Variants in CDK6 observed in about 807,000 individuals in gnomAD.
CDK6 encodes cyclin dependent kinase 6, also known as cyclin-dependent kinase 6.
A neutral mutation model predicts 37.1 loss-of-function variants in CDK6; 6 were observed. That is an observed-to-expected ratio of 0.16 (90% CI 0.09 to 0.32). CDK6 has a LOEUF of 0.32. CDK6 is among the 10% of genes least tolerant of loss of function. CDK6 has a pLI of 1.00. For missense variants in CDK6, 224 were observed against 418.9 expected, an observed-to-expected ratio of 0.53 and a Z score of 4.06; for synonymous variants, 160 against 161.3, an observed-to-expected ratio of 0.99 and a Z score of 0.06.
intron 4 of CDK6, among the ~76,000 whole-genome samples, chr7:92,697,913 C>A (rs1220438524): frequency 6.6e-6 from 1 of 152,200 alleles, no homozygotes; most frequent in Non-Finnish European, 1.5e-5. Context: ...TATGCTATCA[C>A]AAATTTTCAT....
intron 4 of CDK6, among the ~76,000 whole-genome samples, chr7:92,675,666 T>C (rs1310473560): frequency 6.6e-6 from 1 of 152,202 alleles, no homozygotes; most frequent in African/African-American, 2.4e-5. Context: ...AACAGAAGAA[T>C]AATCAGTTTC....
rs1795631441 is a variant in CDK6 at position 92,614,592 on chromosome 7, T to C, written c.*548A>G. On this transcript the variant is annotated 3_prime_UTR_variant, in exon 8 of 8. Coordinates refer to ENST00000424848, the MANE Select transcript of CDK6 (RefSeq NM_001145306.2). ...GACTATTTTGGTGAATCACCTTCAG[T>C]GAACAAATGCCTGTTATTTACTGAC... The C allele has an allele frequency of 4.3e-6, 1 of 233,886 alleles. No individual in the cohort carries two copies. Among genetic ancestry groups the C allele is most frequent in the Non-Finnish European group, 8.5e-6 (1 of 118,216 alleles). 14.5% of individuals were successfully genotyped at this position (233,886 alleles called of 1,614,324 possible). A position where few individuals can be genotyped will look rare whatever the true frequency, so the allele number is the denominator to read the frequency against.
Position 92,712,513 on chromosome 7 carries a change from T to C in CDK6, c.537+13113A>G, listed in dbSNP as rs951176260. Among the ~76,000 whole-genome samples, 7 of 152,232 alleles carry C rather than the reference T, an allele frequency of 4.6e-5. No individual in the cohort carries two copies. The East Asian group carries it at 9.7e-4, about 21-fold the overall frequency. ...ATGATAAGCTGATGGAAAATACAAA[T>C]TGTACTGTGCATATAGTAGCAGCAA... is the stretch of plus-strand genomic sequence containing the variant. On this transcript the variant is annotated intron_variant, in intron 4 of 7. Transcript: ENST00000424848.
At chr7:92,616,902 A>T (rs1795694257) in intron 7 of CDK6, among the ~76,000 whole-genome samples, 1 of 151,980 alleles carries the variant, frequency 6.6e-6, no homozygotes. Flanking sequence ...AAATATGGTT[A>T]AAAAAAAGGT....
chr7:92,814,728 A>G (rs1371606280), intron 2 of CDK6, among the ~76,000 whole-genome samples: 2 of 152,198 alleles, frequency 1.3e-5, no homozygotes, highest in Non-Finnish European at 2.9e-5. Flanking sequence ...CACAAAAAGG[A>G]GAGAATTTAG....
At chr7:92,633,954 A>G (rs989565001) in intron 5 of CDK6, among the ~76,000 whole-genome samples, 4 of 151,972 alleles carry the variant, frequency 2.6e-5, no homozygotes, top group African/African-American at 9.7e-5. Context: ...AGGATATTAC[A>G]CCTTTGTCAT....
chr7:92,678,592 C>T (rs1797261134), intron 4 of CDK6, among the ~76,000 whole-genome samples: 1 of 152,200 alleles, frequency 6.6e-6, no homozygotes, highest in Non-Finnish European at 1.5e-5. Context: ...GAGTAAACCG[C>T]TCTCACTTGA....
At chr7:92,705,973 C>T (rs1446094370) in intron 4 of CDK6, among the ~76,000 whole-genome samples, 2 of 152,200 alleles carry the variant, frequency 1.3e-5, no homozygotes, top group Admixed American at 1.3e-4. Flanking sequence ...AAGGGCTGGG[C>T]TGAAAGCCTC....
intron 2 of CDK6, among the ~76,000 whole-genome samples, chr7:92,813,875 A>T (rs778805964): frequency 3.9e-5 from 6 of 152,174 alleles, no homozygotes; most frequent in Non-Finnish European, 7.4e-5. Context: ...ACTGGCTGAG[A>T]CTTCATAGGA....
intron 2 of CDK6, among the ~76,000 whole-genome samples, chr7:92,821,795 G>A (rs1038800439): frequency 6.6e-6 from 1 of 151,796 alleles, no homozygotes; most frequent in Non-Finnish European, 1.5e-5. Flanking sequence ...CCCATTACGT[G>A]ATCACAATCA....
At chr7:92,657,073 A>G (rs1439519445) in intron 5 of CDK6, among the ~76,000 whole-genome samples, 1 of 152,084 alleles carries the variant, frequency 6.6e-6, no homozygotes, top group Non-Finnish European at 1.5e-5. Flanking sequence ...TGTCACATAA[A>G]ACATATTAAA....
chr7:92,632,512 T>G (rs1489546308), intron 5 of CDK6, among the ~76,000 whole-genome samples: 1 of 152,208 alleles, frequency 6.6e-6, no homozygotes, highest in Non-Finnish European at 1.5e-5. Context: ...GGCCCTTGAA[T>G]GTCAGTGATG....
At chr7:92,712,007 T>G (rs1397756647) in intron 4 of CDK6, among the ~76,000 whole-genome samples, 1 of 151,696 alleles carries the variant, frequency 6.6e-6, no homozygotes, top group Non-Finnish European at 1.5e-5. Flanking sequence ...GCTAACACGG[T>G]GAACCCTTGT....
chr7:92,802,384 G>A lies in CDK6; in HGVS notation c.234-27553C>T, dbSNP rs531094515. Among the ~76,000 whole-genome samples the A allele has an allele frequency of 2.0e-5, 3 of 152,260 alleles. No homozygotes were observed. The South Asian group carries it at 6.2e-4, about 32-fold the overall frequency. ...TATTCTAATATAACTATCAATCCTT[G>A]CAAAGGAATTCCAGTTTATTAAAAA... On this transcript the variant is annotated intron_variant, in intron 2 of 7. Transcript: ENST00000424848.
chr7:92,710,842 C>A (rs1562943115), intron 4 of CDK6: 1 of 985,412 alleles, frequency 1.0e-6, no homozygotes, highest in East Asian at 1.1e-4. Flanking sequence ...ACTTGGACAC[C>A]TCTGCACGGA....
intron 5 of CDK6, among the ~76,000 whole-genome samples, chr7:92,654,061 T>A (rs1426334393): frequency 6.6e-6 from 1 of 152,214 alleles, no homozygotes. Flanking sequence ...TCCTACAGTA[T>A]TAATTCTATG....
intron 2 of CDK6, among the ~76,000 whole-genome samples, chr7:92,811,173 AG>A (rs1800873896): frequency 1.3e-5 from 2 of 152,226 alleles, no homozygotes; most frequent in Non-Finnish European, 2.9e-5. Flanking sequence ...GAATTTCCAC[AG>A]GTCTCCAGCA....
chr7:92,702,220 CTTTTTTT>C (rs3066453), intron 4 of CDK6, among the ~76,000 whole-genome samples: 165 of 44,906 alleles, frequency 3.7e-3, no homozygotes, highest in African/African-American at 0.014. Context: ...CAAGTATATT[CTTTTTTT>C]TTTTTTTTTT....
In CDK6 at chr7:92,613,568, C is replaced by T; in HGVS notation, c.*1572G>A. 1 of 233,532 alleles carries T rather than the reference C, an allele frequency of 4.3e-6. No individual in the cohort carries two copies. 14.5% of individuals were successfully genotyped at this position (233,532 alleles called of 1,614,324 possible). A position where few individuals can be genotyped will look rare whatever the true frequency, so the allele number is the denominator to read the frequency against. On this transcript the variant is annotated 3_prime_UTR_variant, in exon 8 of 8. Transcript: ENST00000424848. Reference sequence around the variant, plus strand: ...GAAAAGCTGTTTACAATGCCCAGGCCAGGCTGGCTCTGTAGAGAGCAGGAG... The same window carrying T: ...GAAAAGCTGTTTACAATGCCCAGGCTAGGCTGGCTCTGTAGAGAGCAGGAG...
Sources: allele counts gnomAD v4.1 joint callset (sites outside exome capture counted in the v4.1 genomes callset), GRCh38; gene constraint gnomAD v4.1.1; transcripts MANE v1.5; gene names NCBI Gene and HGNC (gene_info 2026-07-23, HGNC 2026-07-21).